Variants in CNTN3 observed in about 807,000 individuals in gnomAD.
The protein encoded by CNTN3 is contactin 3, also known as contactin-3.
Under a neutral mutation model 119.1 loss-of-function variants are expected in CNTN3, and 60 were observed. The ratio of observed to expected loss-of-function variants is 0.50; its 90% CI spans 0.41 to 0.62. The LOEUF is 0.62. Ranked by LOEUF, CNTN3 falls within the 20% of genes least tolerant of loss-of-function variation. CNTN3 has a pLI of 0.00. For synonymous variants in CNTN3, 450 were observed against 438.7 expected (o/e 1.03, Z -0.32); for missense variants, 1,101 against 1,242.4 (o/e 0.89, Z 1.71).
chr3:74,537,917 C>CA (rs577994927), intron 1 of CNTN3, among the ~76,000 whole-genome samples: 115 of 152,152 alleles, frequency 7.6e-4, no homozygotes, highest in Non-Finnish European at 1.4e-3. Flanking sequence ...GACCCAGAAA[C>CA]AGAGAAGGGC....
chr3:74,324,278 C>T (rs76178940), intron 13 of CNTN3, among the ~76,000 whole-genome samples: 27,554 of 151,416 alleles, frequency 0.18, 2,984 homozygotes, highest in East Asian at 0.48. Flanking sequence ...GTGGTTCAAT[C>T]TCCGCTCACT....
intron 19 of CNTN3, among the ~76,000 whole-genome samples, chr3:74,293,193 C>G (rs1575703158): frequency 2.6e-5 from 4 of 152,260 alleles, no homozygotes; most frequent in Admixed American, 2.6e-4. Context: ...CCTGGGAGAG[C>G]TGTGGGAGCT....
rs548564787 is a variant in CNTN3, at chr3:74,445,247, TTTTTG to T, written c.359-20312_359-20308del. Among the ~76,000 whole-genome samples, 745 of 152,130 alleles carry T rather than the reference TTTTTG, an allele frequency of 4.9e-3. 7 individuals are homozygous for T. Among genetic ancestry groups the T allele is most frequent in the African/African-American group, 0.017 (710 of 41,510 alleles). ...AACATATAGAAACATTGTAACTACT[TTTTTG>T]TTTTGATTTTTTGTTTTTGGTTTTT... On this transcript the variant is annotated intron_variant, in intron 4 of 22. Coordinates refer to ENST00000263665, the MANE Select transcript of CNTN3 (RefSeq NM_020872.3).
chr3:74,482,244 T>C (rs1702776106), intron 4 of CNTN3, among the ~76,000 whole-genome samples: 1 of 151,908 alleles, frequency 6.6e-6, no homozygotes, highest in South Asian at 2.1e-4. Context: ...ACAGCTAACA[T>C]CCAAGTATTT....
chr3:74,503,940 T>G (rs1489714363), intron 2 of CNTN3, among the ~76,000 whole-genome samples: 1 of 152,154 alleles, frequency 6.6e-6, no homozygotes, highest in Non-Finnish European at 1.5e-5. Context: ...AAGGAATAAC[T>G]GCCTTTGAAT....
chr3:74,559,670 G>C (rs1247247279), intron 1 of CNTN3, among the ~76,000 whole-genome samples: 2 of 151,792 alleles, frequency 1.3e-5, no homozygotes, highest in African/African-American at 4.8e-5. Context: ...ATTGCTCAAA[G>C]GGGGAAAAAG....
Position 74,499,846 on chromosome 3 carries a change from A to T in CNTN3, c.56-61T>A. The T allele has an allele frequency of 2.0e-6, 3 of 1,494,828 alleles. No homozygotes were observed. The South Asian group carries it at 3.9e-5, about 20-fold the overall frequency. The allele number at this position is 1,494,828 out of a possible 1,614,324, so 92.6% of individuals were successfully genotyped here. A position where few individuals can be genotyped will look rare whatever the true frequency, so the allele number is the denominator to read the frequency against. On this transcript the variant is annotated intron_variant, in intron 2 of 22. Transcript: ENST00000263665. ...AGTAAAAGGCATTGTAAAAAGTTAC[A>T]TTCCAGTATTGAAGAAAACAAGGAA...
At chr3:74,276,890 A>T (rs1701891370) in intron 20 of CNTN3, among the ~76,000 whole-genome samples, 1 of 152,136 alleles carries the variant, frequency 6.6e-6, no homozygotes, top group Non-Finnish European at 1.5e-5. Flanking sequence ...CATTGGCAAG[A>T]TTAACAAAGA....
chr3:74,475,873 A>G (rs746416961), intron 4 of CNTN3, among the ~76,000 whole-genome samples: 1 of 152,294 alleles, frequency 6.6e-6, no homozygotes, highest in South Asian at 2.1e-4. Context: ...GCCGAAGCTG[A>G]CCAAAGTGAC....
intron 2 of CNTN3, among the ~76,000 whole-genome samples, chr3:74,502,927 C>T (rs1175899460): frequency 2.0e-5 from 3 of 152,138 alleles, no homozygotes; most frequent in African/African-American, 7.2e-5. Flanking sequence ...GTATACTCAG[C>T]TCTTAGAACA....
At chr3:74,307,613 A>G (rs1211579124) in intron 13 of CNTN3, among the ~76,000 whole-genome samples, 1 of 152,136 alleles carries the variant, frequency 6.6e-6, no homozygotes, top group Admixed American at 6.6e-5. Context: ...AAGAAAGAAA[A>G]CACTACCTGA....
chr3:74,326,083 T>C (rs1703122288), intron 13 of CNTN3, among the ~76,000 whole-genome samples: 1 of 152,168 alleles, frequency 6.6e-6, no homozygotes, highest in Non-Finnish European at 1.5e-5. Flanking sequence ...GTGTGCCTGC[T>C]TTATTTCATC....
intron 4 of CNTN3, among the ~76,000 whole-genome samples, chr3:74,452,829 C>A (rs974171543): frequency 2.0e-5 from 3 of 151,852 alleles, no homozygotes; most frequent in African/African-American, 7.3e-5. Context: ...TACTGATTTG[C>A]GTATACTGAA....
At chr3:74,373,378 CT>C (rs1256486750) in intron 5 of CNTN3, among the ~76,000 whole-genome samples, 1 of 152,188 alleles carries the variant, frequency 6.6e-6, no homozygotes, top group Non-Finnish European at 1.5e-5. Context: ...TCTTTCTCTG[CT>C]TTCCAAAGTG....
At chr3:74,610,373 G>A (rs988911380) in intron 1 of CNTN3, among the ~76,000 whole-genome samples, 8 of 151,462 alleles carry the variant, frequency 5.3e-5, no homozygotes, top group African/African-American at 1.7e-4. Context: ...GTGTGCACAC[G>A]TGTGTGCGTA....
intron 4 of CNTN3, among the ~76,000 whole-genome samples, chr3:74,471,826 C>G (rs1254363796): frequency 6.6e-6 from 1 of 152,212 alleles, no homozygotes; most frequent in Non-Finnish European, 1.5e-5. Context: ...TTATAGTTAT[C>G]TGTCCCAGTT....
rs114310689 is a variant in CNTN3, at chr3:74,526,172, C to T, written c.-80-4980G>A. ...AAAGTCATCTCCAATTTCGATACTT[C>T]AGAAATGAATTATATTTATGAATAT... On this transcript the variant is annotated intron_variant, in intron 1 of 22. Transcript: ENST00000263665. Among the ~76,000 whole-genome samples the T allele has an allele frequency of 2.1e-3, 311 of 151,554 alleles. 1 individual carries two copies. The highest frequency in any genetic ancestry group is 3.9e-3 in the Non-Finnish European group (262 of 67,808).
At chr3:74,340,056 C>A (rs1030078262) in intron 11 of CNTN3, among the ~76,000 whole-genome samples, 3 of 151,922 alleles carry the variant, frequency 2.0e-5, no homozygotes, top group Admixed American at 6.6e-5. Flanking sequence ...TAAAAAAGTA[C>A]AAGTGACAGA....
chr3:74,599,473 C>A (rs1704872360), intron 1 of CNTN3, among the ~76,000 whole-genome samples: 1 of 151,976 alleles, frequency 6.6e-6, no homozygotes, highest in East Asian at 1.9e-4. Context: ...CAGGTGGGGG[C>A]CAGGGATAGT....
Sources: gnomAD v4.1 joint callset for allele counts (sites outside exome capture counted in the v4.1 genomes callset) on GRCh38, gnomAD v4.1.1 for gene constraint, MANE v1.5 for transcripts, NCBI Gene and HGNC (gene_info 2026-07-23, HGNC 2026-07-21) for gene names.